Variants in TAB2 observed in about 807,000 individuals in gnomAD.
The protein encoded by TAB2 is TGF-beta activated kinase 1 (MAP3K7) binding protein 2.
TAB2 carries 3 observed loss-of-function variants against 65.0 expected under a neutral mutation model. The observed-to-expected ratio is 0.05, with a 90% CI of 0.02 to 0.12. TAB2 has a LOEUF of 0.12. Ranked by LOEUF, TAB2 falls within the 10% of genes least tolerant of loss-of-function variation. The probability of loss-of-function intolerance (pLI) is 1.00; values close to 1 mark genes in which losing one functional copy is unlikely to be tolerated. For missense variants in TAB2, 623 were observed against 840.3 expected, an observed-to-expected ratio of 0.74 and a Z score of 3.20; for synonymous variants, 298 against 285.1, an observed-to-expected ratio of 1.05 and a Z score of -0.46.
chr6:149,387,335 C>A (rs1238024963), intron 3 of TAB2, among the ~76,000 whole-genome samples: 1 of 152,154 alleles, frequency 6.6e-6, no homozygotes, highest in South Asian at 2.1e-4. Flanking sequence ...ATGTGGCTAT[C>A]CAAGTATCCC....
chr6:149,254,037 G>C (rs12208613), intron 1 of TAB2, among the ~76,000 whole-genome samples: 1 of 129,950 alleles, frequency 7.7e-6, no homozygotes, highest in Non-Finnish European at 1.6e-5. Flanking sequence ...GAAAGAAAGA[G>C]AGAAAGAAAG....
At position 149,395,705 on chromosome 6, in the gene TAB2, C is replaced by CT. The variant is rs530800264; in HGVS notation, c.1604-1888dup. 4.9e-3 allele frequency among the ~76,000 whole-genome samples: 708 copies of CT among 144,456 alleles called. 5 individuals are homozygous for CT. The highest frequency in any genetic ancestry group is 0.017 in the African/African-American group (656 of 39,594). The allele number at this position is 144,456 out of a possible 152,430, so 94.8% of individuals were successfully genotyped here. On this transcript the variant is annotated intron_variant, in intron 3 of 6. Coordinates refer to ENST00000637181, the MANE Select transcript of TAB2 (RefSeq NM_001292034.3). ...CTTTTCCTTTGTTTTATTGTCAGAG[C>CT]TTTTTTTTTTTAGATTTACTCATCT... is the stretch of plus-strand genomic sequence containing the variant.
At chr6:149,288,936 C>G (rs1778725416) in intron 1 of TAB2, among the ~76,000 whole-genome samples, 1 of 148,268 alleles carries the variant, frequency 6.7e-6, no homozygotes, top group Non-Finnish European at 1.5e-5. Flanking sequence ...CGGCTCACTG[C>G]AACCTCCATC....
chr6:149,357,450 C>A (rs1383320490), intron 1 of TAB2, among the ~76,000 whole-genome samples: 3 of 148,312 alleles, frequency 2.0e-5, no homozygotes, highest in Admixed American at 6.7e-5. Flanking sequence ...CACACACACA[C>A]ACACACACAC....
At chr6:149,338,790 C>G (rs1246303337) in intron 1 of TAB2, among the ~76,000 whole-genome samples, 2 of 152,140 alleles carry the variant, frequency 1.3e-5, no homozygotes, top group Non-Finnish European at 2.9e-5. Context: ...AGGTTGTGAT[C>G]CTACTCATGG....
chr6:149,295,318 G>A (rs1015707709), intron 1 of TAB2, among the ~76,000 whole-genome samples: 2 of 152,128 alleles, frequency 1.3e-5, no homozygotes, highest in African/African-American at 2.4e-5. Flanking sequence ...ACTACAGTGG[G>A]TTCTAAGTAA....
intron 1 of TAB2, among the ~76,000 whole-genome samples, chr6:149,361,016 G>A (rs1031141359): frequency 2.6e-5 from 4 of 152,190 alleles, no homozygotes; most frequent in Non-Finnish European, 5.9e-5. Flanking sequence ...GTTCAGCCAC[G>A]GCAGGTGTTC....
intron 3 of TAB2, among the ~76,000 whole-genome samples, chr6:149,387,698 A>T (rs1384488938): frequency 6.6e-6 from 1 of 152,210 alleles, no homozygotes; most frequent in Non-Finnish European, 1.5e-5. Flanking sequence ...TTGCTTTTTT[A>T]AAAAACTGAA....
At chr6:149,370,554 A>G (rs1362794227) in intron 2 of TAB2, among the ~76,000 whole-genome samples, 2 of 152,306 alleles carry the variant, frequency 1.3e-5, no homozygotes, top group East Asian at 1.9e-4. Flanking sequence ...TCTGTAAAAT[A>G]AAAGAGTTTG....
rs747318349 is a variant in TAB2 at position 149,411,015 on chromosome 6, G to GA, written c.*1305dup. On this transcript the variant is annotated 3_prime_UTR_variant, in exon 7 of 7. Coordinates refer to ENST00000637181, the MANE Select transcript of TAB2 (RefSeq NM_001292034.3). ...ATTTAGGACAACTGAAGAAAAGCTG[G>GA]AAAAAAAAACAAGCAAACTTGAACA... 1.5e-4 allele frequency: 23 copies of GA among 149,406 alleles called. No homozygotes were observed. The highest frequency in any genetic ancestry group is 3.2e-4 in the African/African-American group (13 of 40,654). 9.3% of individuals were successfully genotyped at this position (149,406 alleles called of 1,614,324 possible).
At chr6:149,218,741 G>A (rs1348029128) in exon 1 of TAB2, 1 of 456,068 alleles carries the variant, frequency 2.2e-6, no homozygotes, top group African/African-American at 2.0e-5. Context: ...TTGAGACTAA[G>A]TTTATTCCTC....
intron 1 of TAB2, chr6:149,220,796 T>G (rs911118000): frequency 6.6e-6 from 1 of 152,198 alleles, no homozygotes; most frequent in African/African-American, 2.4e-5. Flanking sequence ...TTTGCATTTT[T>G]TGTAGAGACA....
intron 1 of TAB2, among the ~76,000 whole-genome samples, chr6:149,366,251 C>G (rs1050788741): frequency 1.3e-5 from 2 of 152,124 alleles, no homozygotes; most frequent in Non-Finnish European, 2.9e-5. Context: ...TGTTTCAAGC[C>G]AGATAACTTG....
At chr6:149,229,383 C>A (rs891121775) in intron 1 of TAB2, among the ~76,000 whole-genome samples, 2 of 142,348 alleles carry the variant, frequency 1.4e-5, no homozygotes, top group Non-Finnish European at 3.0e-5. Context: ...ACCCAGCAAA[C>A]CTTTAAAGAC....
chr6:149,356,586 G>A (rs1780659591), intron 1 of TAB2, among the ~76,000 whole-genome samples: 1 of 152,128 alleles, frequency 6.6e-6, no homozygotes, highest in South Asian at 2.1e-4. Context: ...GGGCAGCTCA[G>A]CTCCCTCGGG....
chr6:149,249,292 A>C (rs942709098), intron 1 of TAB2, among the ~76,000 whole-genome samples: 1 of 152,128 alleles, frequency 6.6e-6, no homozygotes, highest in African/African-American at 2.4e-5. Context: ...TGCTCCCAAC[A>C]GTTCAACTTC....
intron 1 of TAB2, among the ~76,000 whole-genome samples, chr6:149,320,748 A>G (rs758826590): frequency 6.6e-6 from 1 of 152,136 alleles, no homozygotes; most frequent in Non-Finnish European, 1.5e-5. Flanking sequence ...TTGCCTTGTT[A>G]TAGATATTTT....
At chr6:149,367,658 C>T (rs963149099) in intron 1 of TAB2, among the ~76,000 whole-genome samples, 3 of 152,224 alleles carry the variant, frequency 2.0e-5, no homozygotes, top group African/African-American at 7.2e-5. Flanking sequence ...CTATTGAGGC[C>T]TTTGCAGTAG....
At chr6:149,282,660 G>C (rs953077859) in intron 1 of TAB2, among the ~76,000 whole-genome samples, 6 of 152,228 alleles carry the variant, frequency 3.9e-5, no homozygotes, top group African/African-American at 1.4e-4. Context: ...ATTAAAGGAA[G>C]AGATGTGTGA....
Sources: allele counts gnomAD v4.1 joint callset (sites outside exome capture counted in the v4.1 genomes callset), GRCh38; gene constraint gnomAD v4.1.1; transcripts MANE v1.5; gene names NCBI Gene and HGNC (gene_info 2026-07-23, HGNC 2026-07-21).